SBF2: variants seen among roughly 807,000 people sequenced by gnomAD.
The protein encoded by SBF2 is SET binding factor 2.
A neutral mutation model predicts 225.2 loss-of-function variants in SBF2; 112 were observed. That is an observed-to-expected ratio of 0.50 (90% CI 0.43 to 0.58). SBF2 has a LOEUF of 0.58. SBF2 is among the 20% of genes least tolerant of loss of function. The probability of loss-of-function intolerance (pLI) is 0.00; values close to 1 mark genes in which losing one functional copy is unlikely to be tolerated. For missense variants in SBF2, 1,996 were observed against 2,206.2 expected, an observed-to-expected ratio of 0.90 and a Z score of 1.91; for synonymous variants, 763 against 773.3, an observed-to-expected ratio of 0.99 and a Z score of 0.22.
At chr11:10,190,368 G>A (rs755533701) in intron 2 of SBF2, among the ~76,000 whole-genome samples, 4 of 152,130 alleles carry the variant, frequency 2.6e-5, no homozygotes, top group Non-Finnish European at 4.4e-5. Context: ...TGGTTTTCGT[G>A]TATGCCTAAA....
intron 2 of SBF2, among the ~76,000 whole-genome samples, chr11:10,164,166 A>G (rs1207567860): frequency 2.0e-5 from 3 of 152,174 alleles, no homozygotes; most frequent in Admixed American, 6.5e-5. Context: ...TGGATATTCC[A>G]CAGTCAAAAA....
intron 23 of SBF2, 30 bp downstream of exon 23, chr11:9,846,926 T>C (rs1435928478): frequency 3.1e-6 from 5 of 1,613,216 alleles, no homozygotes; most frequent in Non-Finnish European, 2.5e-6. Context: ...AATTTTTGAA[T>C]AGTAAAACAA....
chr11:9,846,589 T>C (rs1856564556), intron 23 of SBF2, among the ~76,000 whole-genome samples: 1 of 152,230 alleles, frequency 6.6e-6, no homozygotes. Context: ...TACCTTTCCA[T>C]AGAACAGCCA....
chr11:10,092,442 T>C (rs1324520675), intron 2 of SBF2, among the ~76,000 whole-genome samples: 1 of 152,206 alleles, frequency 6.6e-6, no homozygotes, highest in Non-Finnish European at 1.5e-5. Context: ...GATTAGCTGA[T>C]GAATGAAATG....
intron 17 of SBF2, among the ~76,000 whole-genome samples, chr11:9,890,524 T>C (rs1860715539): frequency 6.6e-6 from 1 of 152,198 alleles, no homozygotes; most frequent in Non-Finnish European, 1.5e-5. Flanking sequence ...TAAAACTTCC[T>C]CAAATGCCAA....
intron 1 of SBF2, among the ~76,000 whole-genome samples, chr11:10,290,438 C>A (rs564547640): frequency 2.0e-5 from 3 of 151,952 alleles, no homozygotes; most frequent in African/African-American, 7.3e-5. Context: ...GTGTGTCCAC[C>A]GACAGTGGGG....
chr11:9,832,016 C>T (rs1855429316), intron 27 of SBF2, among the ~76,000 whole-genome samples: 2 of 152,176 alleles, frequency 1.3e-5, no homozygotes, highest in African/African-American at 4.8e-5. Context: ...ACAGACCAGA[C>T]ATATTAAGAT....
chr11:10,204,575 G>A (rs1249256246), intron 1 of SBF2, among the ~76,000 whole-genome samples: 5 of 151,224 alleles, frequency 3.3e-5, no homozygotes, highest in African/African-American at 4.9e-5. Flanking sequence ...GGAGAATGGC[G>A]TGAACCCAGG....
intron 16 of SBF2, among the ~76,000 whole-genome samples, chr11:9,934,670 G>C (rs1258182422): frequency 1.3e-5 from 2 of 152,148 alleles, no homozygotes; most frequent in African/African-American, 4.8e-5. Context: ...ATCAATAAAT[G>C]TAATCTATCA....
chr11:9,989,052 A>ATATATATATATATATATATG (rs1347138364), intron 13 of SBF2, among the ~76,000 whole-genome samples: 67 of 151,640 alleles, frequency 4.4e-4, no homozygotes, highest in African/African-American at 1.4e-3. Context: ...ATATATATAT[A>ATATATATATATATATATATG]TATACATATG....
intron 2 of SBF2, among the ~76,000 whole-genome samples, chr11:10,162,541 A>G (rs1382747742): frequency 6.6e-6 from 1 of 152,204 alleles, no homozygotes; most frequent in Admixed American, 6.5e-5. Context: ...CAGAATGCAG[A>G]TAAGTGAGAA....
chr11:10,162,244 T>A (rs12293757), intron 2 of SBF2, among the ~76,000 whole-genome samples: 14,532 of 151,798 alleles, frequency 0.096, 961 homozygotes, highest in East Asian at 0.28. Flanking sequence ...TATTCCATTA[T>A]AGTTTGAGCA....
intron 13 of SBF2, among the ~76,000 whole-genome samples, chr11:9,974,227 T>C (rs1404987909): frequency 1.3e-5 from 2 of 152,194 alleles, no homozygotes; most frequent in African/African-American, 4.8e-5. Context: ...ATATTTGATA[T>C]GCTGGTTGCC....
At chr11:9,960,877 C>A (rs958941836) in intron 16 of SBF2, 1 of 152,076 alleles carries the variant, frequency 6.6e-6, no homozygotes, top group Admixed American at 6.6e-5. Flanking sequence ...GCTGGCCAGG[C>A]TGGTTTTGGA....
At chr11:10,292,789 A>C (rs1399062937) in intron 1 of SBF2, among the ~76,000 whole-genome samples, 3 of 152,230 alleles carry the variant, frequency 2.0e-5, no homozygotes. Context: ...TCTTGATAGA[A>C]AAGAAACATC....
Position 10,131,519 on chromosome 11 carries a change from C to T in SBF2, c.141+62383G>A, listed in dbSNP as rs570319763. The stretch of plus-strand genomic sequence containing the variant: ...TGTGACCTTGGCTCACTGCAACCTC[C>T]GCCTCCCAGGTTCAAGCGATTCTCC... On this transcript the variant is annotated intron_variant, in intron 2 of 39. Coordinates refer to ENST00000256190, the MANE Select transcript of SBF2 (RefSeq NM_030962.4). Among the ~76,000 whole-genome samples the T allele has an allele frequency of 3.3e-5, 5 of 152,248 alleles. No homozygotes were observed. In the South Asian group the frequency reaches 8.3e-4, roughly 25 times the overall value.
intron 2 of SBF2, among the ~76,000 whole-genome samples, chr11:10,055,153 C>T (rs539600972): frequency 1.2e-4 from 19 of 152,226 alleles, no homozygotes; most frequent in African/African-American, 4.3e-4. Context: ...CCACCCACCT[C>T]AGCCTCCCCA....
intron 17 of SBF2, among the ~76,000 whole-genome samples, chr11:9,874,179 A>G (rs1025900015): frequency 6.6e-6 from 1 of 152,234 alleles, no homozygotes; most frequent in Non-Finnish European, 1.5e-5. Flanking sequence ...GAATCTAGAA[A>G]AAAACATAAT....
At chr11:10,158,222 T>C (rs1955564480) in intron 2 of SBF2, among the ~76,000 whole-genome samples, 1 of 151,996 alleles carries the variant, frequency 6.6e-6, no homozygotes, top group South Asian at 2.1e-4. Flanking sequence ...AATAAATGCC[T>C]ACATTAAGAA....
Sources: allele counts gnomAD v4.1 joint callset (sites outside exome capture counted in the v4.1 genomes callset), GRCh38; gene constraint gnomAD v4.1.1; transcripts MANE v1.5; gene names NCBI Gene and HGNC (gene_info 2026-07-23, HGNC 2026-07-21).